Variants in SLC9A9 observed in about 807,000 individuals in gnomAD.
The protein encoded by SLC9A9 is solute carrier family 9 member A9, also known as sodium/hydrogen exchanger 9.
A neutral mutation model predicts 77.8 loss-of-function variants in SLC9A9; 62 were observed. The observed-to-expected ratio is 0.80, with a 90% CI of 0.65 to 0.98. The LOEUF (loss-of-function observed/expected upper bound fraction) is 0.98. Ranked by LOEUF, SLC9A9 falls within the 50% of genes least tolerant of loss-of-function variation. The pLI, the probability that SLC9A9 is intolerant of heterozygous loss-of-function variation, is 0.00. For synonymous variants in SLC9A9, 320 were observed against 283.5 expected (o/e 1.13, Z -1.29); for missense variants, 775 against 774.9 (o/e 1.00, Z 0.00).
intron 13 of SLC9A9, among the ~76,000 whole-genome samples, chr3:143,373,204 T>C (rs1277852781): frequency 1.3e-5 from 2 of 152,160 alleles, no homozygotes; most frequent in African/African-American, 4.8e-5. Flanking sequence ...CCAACCTAAG[T>C]GCCCACTGGC....
chr3:143,683,062 A>G (rs943672101), intron 5 of SLC9A9, among the ~76,000 whole-genome samples: 4 of 152,134 alleles, frequency 2.6e-5, no homozygotes, highest in African/African-American at 4.8e-5. Context: ...TTAATGTTTT[A>G]GGTGTGATGA....
chr3:143,777,523 G>A (rs1283089282), intron 4 of SLC9A9, among the ~76,000 whole-genome samples: 1 of 152,016 alleles, frequency 6.6e-6, no homozygotes, highest in Non-Finnish European at 1.5e-5. Flanking sequence ...TCTATCTAGT[G>A]AACTTCAAAC....
At chr3:143,676,247 C>A (rs1932880533) in intron 5 of SLC9A9, among the ~76,000 whole-genome samples, 1 of 152,202 alleles carries the variant, frequency 6.6e-6, no homozygotes, top group African/African-American at 2.4e-5. Flanking sequence ...CAGACCTGTA[C>A]CCGTCTGTGG....
intron 12 of SLC9A9, among the ~76,000 whole-genome samples, chr3:143,399,279 C>T (rs1230049513): frequency 2.6e-5 from 4 of 152,058 alleles, no homozygotes; most frequent in African/African-American, 7.2e-5. Flanking sequence ...CTTGCTGAGA[C>T]GGATTAAAGT....
At chr3:143,682,684 C>A (rs993905648) in intron 5 of SLC9A9, among the ~76,000 whole-genome samples, 3 of 152,172 alleles carry the variant, frequency 2.0e-5, no homozygotes, top group African/African-American at 7.2e-5. Context: ...GCATTTCTTT[C>A]TGTAGGCACA....
At chr3:143,381,594 G>A (rs1000585733) in intron 13 of SLC9A9, 1 of 180,622 alleles carries the variant, frequency 5.5e-6, no homozygotes, top group Non-Finnish European at 1.2e-5. Flanking sequence ...GTAGATAATT[G>A]TTGCTCAATT....
intron 5 of SLC9A9, among the ~76,000 whole-genome samples, chr3:143,675,398 A>C (rs2039220753): frequency 6.6e-6 from 1 of 152,218 alleles, no homozygotes; most frequent in Non-Finnish European, 1.5e-5. Flanking sequence ...CAGTAAATGA[A>C]TTATCATCCA....
chr3:143,436,904 C>G (rs916239047), intron 12 of SLC9A9, among the ~76,000 whole-genome samples: 1 of 152,194 alleles, frequency 6.6e-6, no homozygotes, highest in Admixed American at 6.5e-5. Flanking sequence ...TTTGATGTGT[C>G]CACTCAGAAG....
chr3:143,374,309 C>T (rs2033125715), intron 13 of SLC9A9, among the ~76,000 whole-genome samples: 1 of 151,178 alleles, frequency 6.6e-6, no homozygotes, highest in Admixed American at 6.6e-5. Flanking sequence ...CCTGTAGTCC[C>T]AGCTACTGGG....
At chr3:143,722,042 G>C (rs980027708) in intron 4 of SLC9A9, among the ~76,000 whole-genome samples, 1 of 151,894 alleles carries the variant, frequency 6.6e-6, no homozygotes, top group African/African-American at 2.4e-5. Flanking sequence ...GTGAACAAAG[G>C]GTAGCAGTCA....
chr3:143,387,165 T>C (rs1362813815), intron 12 of SLC9A9, among the ~76,000 whole-genome samples: 1 of 152,128 alleles, frequency 6.6e-6, no homozygotes, highest in African/African-American at 2.4e-5. Flanking sequence ...TTATAATTTA[T>C]TGGTAGACTA....
chr3:143,682,302 A>G (rs917101709), intron 5 of SLC9A9, among the ~76,000 whole-genome samples: 12 of 152,164 alleles, frequency 7.9e-5, no homozygotes, highest in Non-Finnish European at 1.5e-4. Flanking sequence ...TGACTCTCCT[A>G]GGGCCAAGTC....
intron 6 of SLC9A9, among the ~76,000 whole-genome samples, chr3:143,640,697 C>T (rs983957971): frequency 6.6e-6 from 1 of 151,942 alleles, no homozygotes. Flanking sequence ...CCAGTCTTTA[C>T]AAAAAATACA....
chr3:143,442,701 G>C (rs1367767562), intron 12 of SLC9A9, among the ~76,000 whole-genome samples: 1 of 152,188 alleles, frequency 6.6e-6, no homozygotes, highest in Non-Finnish European at 1.5e-5. Context: ...CTCCAGCCTG[G>C]GTGACAGAGT....
intron 12 of SLC9A9, among the ~76,000 whole-genome samples, chr3:143,458,980 A>T (rs2035142342): frequency 6.6e-6 from 1 of 152,116 alleles, no homozygotes; most frequent in Admixed American, 6.5e-5. Flanking sequence ...AATTTCTTAT[A>T]ATCTTCAAGT....
In SLC9A9 at chr3:143,266,888, C is replaced by T; in HGVS notation, c.1752G>A (p.Gln584=). ...KEDDVECIVN[Q]DELAINYQEQ... is the part of the protein sequence containing the mutation. ...CCTGGTAATTTATGGCTAGTTCATC[C>T]TGGTTTACAATGCATTCCACATCAT... is the stretch of plus-strand genomic sequence containing the variant. Residue 584 remains glutamine, a synonymous_variant, in exon 16 of 16, where the codon CAG becomes CAA. Coordinates refer to ENST00000316549, the MANE Select transcript of SLC9A9 (RefSeq NM_173653.4). 1 of 1,614,116 alleles carries T rather than the reference C, an allele frequency of 6.2e-7. No homozygotes were observed. The highest frequency in any genetic ancestry group is 8.5e-7 in the Non-Finnish European group (1 of 1,179,996).
At chr3:143,743,995 A>G (rs1306861095) in intron 4 of SLC9A9, among the ~76,000 whole-genome samples, 1 of 152,172 alleles carries the variant, frequency 6.6e-6, no homozygotes, top group Admixed American at 6.5e-5. Context: ...CAAATGACCA[A>G]ACTTCTGCTT....
At chr3:143,550,952 C>A (rs945267785) in intron 9 of SLC9A9, among the ~76,000 whole-genome samples, 16 of 152,156 alleles carry the variant, frequency 1.1e-4, no homozygotes, top group African/African-American at 3.6e-4. Context: ...AGTCCTAAAC[C>A]CCAGTAGCTC....
At chr3:143,785,581 A>G (rs2108850624) in intron 4 of SLC9A9, among the ~76,000 whole-genome samples, 1 of 152,344 alleles carries the variant, frequency 6.6e-6, no homozygotes, top group Admixed American at 6.5e-5. Flanking sequence ...CTATTAAAAC[A>G]ACCGTTGTCT....
Sources: gnomAD v4.1 joint callset for allele counts (sites outside exome capture counted in the v4.1 genomes callset) on GRCh38, gnomAD v4.1.1 for gene constraint, MANE v1.5 for transcripts, NCBI Gene and HGNC (gene_info 2026-07-23, HGNC 2026-07-21) for gene names.